DNAH17: variants seen among roughly 807,000 people sequenced by gnomAD.
DNAH17 encodes axonemal beta dynein heavy chain 17.
DNAH17 carries 376 observed loss-of-function variants against 485.6 expected under a neutral mutation model. That is an observed-to-expected ratio of 0.77 (90% CI 0.71 to 0.84). The LOEUF (loss-of-function observed/expected upper bound fraction) is 0.84, where lower values mean the gene tolerates loss of function less well. Among genes scored for constraint, DNAH17 ranks in the 40% least tolerant of loss-of-function variants. DNAH17 has a pLI of 0.00. For missense variants in DNAH17, 6,370 were observed against 5,839.3 expected (o/e 1.09, Z -2.96); for synonymous variants, 3,031 against 2,405.9 (o/e 1.26, Z -7.60).
Position 78,571,719 on chromosome 17 carries a change from G to T in DNAH17, c.603C>A (p.Ser201=). The part of the protein sequence containing the change: ...HAIETTIIDW[S]HQIRDVLSKD... ...TGCTCAGCACATCCCGGATCTGGTG[G>T]GACCAGTCGATGATGGTGGTTTCAA... The change falls in exon 4 of 81, where the codon TCC becomes TCA. Residue 201 remains serine (S), a synonymous_variant. Coordinates refer to ENST00000389840, the MANE Select transcript of DNAH17 (RefSeq NM_173628.4). 1.2e-6 allele frequency: 2 copies of T among 1,613,438 alleles called. No individual in the cohort carries two copies. The highest frequency in any genetic ancestry group is 1.7e-5 in the Admixed American group (1 of 59,974).
intron 46 of DNAH17, 56 bp from the exon 47 acceptor site, chr17:78,485,813 C>T (rs575358494): frequency 2.1e-5 from 33 of 1,592,330 alleles, no homozygotes; most frequent in South Asian, 9.0e-5. Context: ...TTCTGCCTCT[C>T]GTGGGTGTGC....
chr17:78,575,704 G>T (rs887307276), intron 1 of DNAH17, among the ~76,000 whole-genome samples: 1 of 152,116 alleles, frequency 6.6e-6, no homozygotes, highest in African/African-American at 2.4e-5. Flanking sequence ...CTGCTCAGAT[G>T]CTCGGGGGTA....
chr17:78,468,474 C>G, intron 55 of DNAH17, 143 bp downstream of exon 55: 1 of 1,136,430 alleles, frequency 8.8e-7, no homozygotes, highest in South Asian at 1.7e-5. Flanking sequence ...ATCAGACAGC[C>G]CCACCCCTCA....
chr17:78,468,563 G>A, intron 55 of DNAH17, 54 bp downstream of exon 55: 1 of 1,568,632 alleles, frequency 6.4e-7, no homozygotes, highest in Non-Finnish European at 8.7e-7. Context: ...ATACCCTGTA[G>A]GCCACGGGCA....
rs370004719 is a variant in DNAH17, at chr17:78,501,291, G to A, written c.5376C>T (p.Asp1792=). The A allele has an allele frequency of 8.6e-4, 1,377 of 1,606,744 alleles. No homozygotes were observed. Among genetic ancestry groups the A allele is most frequent in the Non-Finnish European group, 1.1e-3 (1,262 of 1,174,074 alleles). The change falls in exon 35 of 81, where the codon GAC becomes GAT. Residue 1792 remains aspartate, a synonymous_variant. Transcript: ENST00000389840. ...TWQAQLRHRW[D]EEKRHCFANI... ...TGGCAAAGCAGTGTCGCTTCTCTTCGTCCCAGCGATGCCGGAGCTGGGCCT... is the reference window on the plus strand; with the variant it reads ...TGGCAAAGCAGTGTCGCTTCTCTTCATCCCAGCGATGCCGGAGCTGGGCCT...
Position 78,424,048 on chromosome 17 carries a change from A to G in DNAH17, c.13247T>C (p.Met4416Thr). ...ACACTCATAGATGTTCTTGGTCTCC[A>G]TGCGGTCCACAGGAATGGCCTTGAT... ...IFIKAIPVDR[M>T]ETKNIYECPV... Residue 4416 changes from methionine (M) to threonine (T), a missense_variant, in exon 81 of 81, where the codon ATG (methionine) becomes ACG (threonine). Met to Thr is a moderately conservative substitution (Grantham distance 81). Transcript: ENST00000389840. 6.2e-7 allele frequency: 1 copy of G among 1,614,056 alleles called. No individual in the cohort carries two copies. The highest frequency in any genetic ancestry group is 2.2e-5 in the East Asian group (1 of 44,890).
In DNAH17 at chr17:78,574,908, C is replaced by A; in HGVS notation, c.150G>T (p.Gln50His). Residue 50 changes from glutamine (Q) to histidine (H), a missense_variant, in exon 2 of 81, where the codon CAG (glutamine) becomes CAT (histidine). Transcript: ENST00000389840. Reference protein sequence around the residue: ...FTEFFEKPDVQVLVLTLNAAG... With the variant: ...FTEFFEKPDVHVLVLTLNAAG... Reference sequence around the variant, plus strand: ...CTGCATTGAGCGTCAGCACCAGCACCTGGACGTCGGGCTTTTCAAAGAACT... The same window carrying A: ...CTGCATTGAGCGTCAGCACCAGCACATGGACGTCGGGCTTTTCAAAGAACT... 6.2e-7 allele frequency: 1 copy of A among 1,614,042 alleles called. No homozygotes were observed. Among genetic ancestry groups the A allele is most frequent in the East Asian group, 2.2e-5 (1 of 44,892 alleles).
Position 78,495,972 on chromosome 17 carries a change from T to A in DNAH17, c.5806A>T (p.Ile1936Phe). 3 of 1,613,910 alleles carry A rather than the reference T, an allele frequency of 1.9e-6. No individual in the cohort carries two copies. Among genetic ancestry groups the A allele is most frequent in the Non-Finnish European group, 2.5e-6 (3 of 1,179,864 alleles). ...KKKAFNFLGE[I>F]IGLIPTVGIF... is the part of the protein sequence containing the mutation. ...CCGACGGTGGGAATGAGGCCTATGA[T>A]CTCTCCCAGGAAATTGAATGCTTTT... Residue 1936 changes from isoleucine (I) to phenylalanine (F), a missense_variant, in exon 38 of 81, where the codon ATC (isoleucine) becomes TTC (phenylalanine). Coordinates refer to ENST00000389840, the MANE Select transcript of DNAH17 (RefSeq NM_173628.4).
intron 29 of DNAH17, 28 bp downstream of exon 29, chr17:78,507,239 ACCACTGACTCC>A (rs1373179534): frequency 6.2e-7 from 1 of 1,605,634 alleles, no homozygotes; most frequent in African/African-American, 1.3e-5. Flanking sequence ...GGGAATCTGC[ACCACTGACTCC>A]CCTGGTCTGG....
At chr17:78,477,040 G>A (rs1171071271) in intron 51 of DNAH17, among the ~76,000 whole-genome samples, 1 of 152,206 alleles carries the variant, frequency 6.6e-6, no homozygotes, top group Non-Finnish European at 1.5e-5. Context: ...AGGAAAGCAG[G>A]TGACCGATGC....
chr17:78,434,950 A>G (rs1438756490), intron 74 of DNAH17, among the ~76,000 whole-genome samples: 3 of 152,288 alleles, frequency 2.0e-5, no homozygotes, highest in Non-Finnish European at 4.4e-5. Flanking sequence ...GGAGGGACAG[A>G]TAAGTGCCAG....
chr17:78,550,690 CTGT>C (rs1199189719), intron 16 of DNAH17, among the ~76,000 whole-genome samples: 1 of 152,160 alleles, frequency 6.6e-6, no homozygotes, highest in Non-Finnish European at 1.5e-5. Flanking sequence ...AGAGAAACGT[CTGT>C]TGTTGAAGTC....
chr17:78,563,298 G>A (rs536217503), intron 11 of DNAH17, among the ~76,000 whole-genome samples: 24 of 152,290 alleles, frequency 1.6e-4, no homozygotes, highest in Non-Finnish European at 2.6e-4. Context: ...GGCAGACATG[G>A]AAACGCTGGT....
chr17:78,571,060 C>T (rs1185593539), intron 5 of DNAH17, 27 bp from the exon 6 acceptor site: 4 of 1,551,682 alleles, frequency 2.6e-6, no homozygotes, highest in Non-Finnish European at 3.5e-6. Context: ...CAAGTGCCCA[C>T]CGGTAAGAGA....
chr17:78,488,151 G>A (rs1159712037), intron 44 of DNAH17, among the ~76,000 whole-genome samples: 4 of 152,160 alleles, frequency 2.6e-5, no homozygotes, highest in East Asian at 1.9e-4. Flanking sequence ...CACTGAGTGC[G>A]GGTCGGTGTG....
In DNAH17 at chr17:78,494,641, GAGGTCCCC is replaced by G; in HGVS notation, c.6214_6221del (p.Gly2072LeufsTer15). On this transcript the variant is annotated frameshift_variant, in exon 40 of 81. Transcript: ENST00000389840. LOFTEE classifies it high-confidence loss of function. The stretch of plus-strand genomic sequence containing the variant: ...TCCGAGGCACGTCCAGAGCCGGGAA[GAGGTCCCC>G]GATCAGTCCCATGAATACGGGCAGG... The G allele has an allele frequency of 6.2e-7, 1 of 1,613,960 alleles. No individual in the cohort carries two copies. Among genetic ancestry groups the G allele is most frequent in the Non-Finnish European group, 8.5e-7 (1 of 1,179,898 alleles).
At chr17:78,429,508 A>G (rs920911284) in intron 75 of DNAH17, among the ~76,000 whole-genome samples, 1 of 152,080 alleles carries the variant, frequency 6.6e-6, no homozygotes, top group Non-Finnish European at 1.5e-5. Flanking sequence ...CCAGACGCCA[A>G]TGTCCGGCCC....
chr17:78,450,436 G>T (rs758320991), intron 67 of DNAH17, 42 bp from the exon 68 acceptor site: 38 of 1,608,442 alleles, frequency 2.4e-5, no homozygotes, highest in Non-Finnish European at 3.1e-5. Context: ...CAGCAGATGG[G>T]CAGTGCCATG....
chr17:78,530,344 T>C lies in DNAH17; in HGVS notation c.3283A>G (p.Ser1095Gly). The change falls in exon 21 of 81, where the codon AGC becomes GGC. Residue 1095 changes from serine (S) to glycine (G), a missense_variant and splice_region_variant. Coordinates refer to ENST00000389840, the MANE Select transcript of DNAH17 (RefSeq NM_173628.4). ...KRHLSNHVTNSLADLEAFMKV... is the reference protein window; with the variant it reads ...KRHLSNHVTNGLADLEAFMKV... Reference sequence around the variant, plus strand: ...CCGAGTACATGGCTGGGGACCCACCTGTTGGTGACGTGGTTGCTCAGGTGC... The same window carrying C: ...CCGAGTACATGGCTGGGGACCCACCCGTTGGTGACGTGGTTGCTCAGGTGC... The C allele has an allele frequency of 6.2e-7, 1 of 1,605,940 alleles. No homozygotes were observed. The highest frequency in any genetic ancestry group is 2.2e-5 in the East Asian group (1 of 44,638).
Sources: allele counts gnomAD v4.1 joint callset (sites outside exome capture counted in the v4.1 genomes callset), GRCh38; gene constraint gnomAD v4.1.1; transcripts MANE v1.5; gene names NCBI Gene and HGNC (gene_info 2026-07-23, HGNC 2026-07-21).